The following ZNF682 variants were observed in gnomAD, a reference collection of about 807,000 sequenced individuals.
The protein encoded by ZNF682 is zinc finger protein 682.
ZNF682 carries 29 observed loss-of-function variants against 36.5 expected under a neutral mutation model. The observed-to-expected ratio is 0.80, with a 90% CI of 0.59 to 1.08. The LOEUF (loss-of-function observed/expected upper bound fraction) is 1.08, where lower values mean the gene tolerates loss of function less well. Among genes scored for constraint, ZNF682 ranks in the 50% least tolerant of loss-of-function variants. The probability of loss-of-function intolerance (pLI) is 0.00; values close to 1 mark genes in which losing one functional copy is unlikely to be tolerated. For missense variants in ZNF682, 561 were observed against 579.7 expected (o/e 0.97, Z 0.33); for synonymous variants, 180 against 197.0 (o/e 0.91, Z 0.72).
chr19:20,031,448 T>A (rs532654688), intron 1 of ZNF682, among the ~76,000 whole-genome samples: 1 of 152,240 alleles, frequency 6.6e-6, no homozygotes, highest in African/African-American at 2.4e-5. Context: ...GATGTTGACC[T>A]GTCACGATGC....
chr19:20,027,603 T>C (rs1227371299), intron 1 of ZNF682, among the ~76,000 whole-genome samples: 6 of 151,920 alleles, frequency 3.9e-5, no homozygotes, highest in African/African-American at 1.5e-4. Context: ...CTACTAAAAA[T>C]ACAAAATTAG....
intron 3 of ZNF682, among the ~76,000 whole-genome samples, chr19:20,018,217 C>G (rs915455783): frequency 6.7e-6 from 1 of 148,606 alleles, no homozygotes; most frequent in Non-Finnish European, 1.5e-5. Flanking sequence ...CCTCAGCCTC[C>G]CAAGTAGCTG....
downstream of ZNF682, among the ~76,000 whole-genome samples, chr19:20,002,916 C>T (rs1011621063): frequency 1.3e-5 from 2 of 152,066 alleles, no homozygotes; most frequent in Non-Finnish European, 1.5e-5. Flanking sequence ...CAAGGCCAGG[C>T]GCAATGGCTC....
downstream of ZNF682, among the ~76,000 whole-genome samples, chr19:19,996,902 C>T (rs563715659): frequency 4.6e-5 from 7 of 152,096 alleles, no homozygotes; most frequent in East Asian, 1.2e-3. Context: ...GAAATTAGAG[C>T]CCCTAAATAA....
chr19:20,012,720 A>G (rs2088300719), intron 3 of ZNF682, among the ~76,000 whole-genome samples: 1 of 149,060 alleles, frequency 6.7e-6, no homozygotes, highest in African/African-American at 2.5e-5. Context: ...GTGAACCGAG[A>G]TCGCGCCACT....
At chr19:20,031,252 C>T (rs530153067) in intron 1 of ZNF682, 7 of 152,330 alleles carry the variant, frequency 4.6e-5, no homozygotes, top group African/African-American at 1.2e-4. Context: ...TCACAGCTTA[C>T]AGGTAGGTGT....
At chr19:20,030,349 C>A (rs1158902965) in intron 1 of ZNF682, among the ~76,000 whole-genome samples, 1 of 152,086 alleles carries the variant, frequency 6.6e-6, no homozygotes, top group East Asian at 1.9e-4. Context: ...GTGGGTGGAT[C>A]ACCTAAGGTC....
chr19:20,001,632 G>A (rs1783732922), downstream of ZNF682, among the ~76,000 whole-genome samples: 1 of 152,160 alleles, frequency 6.6e-6, no homozygotes, highest in Non-Finnish European at 1.5e-5. Context: ...AGAATGAAGG[G>A]CCTTAAAAAC....
intron 1 of ZNF682, among the ~76,000 whole-genome samples, chr19:20,025,773 TATG>T (rs1379346329): frequency 2.0e-5 from 3 of 152,014 alleles, no homozygotes; most frequent in African/African-American, 7.2e-5. Context: ...TCATCAGAGC[TATG>T]ATATTATTGG....
At chr19:20,028,162 A>T (rs2122375732) in intron 1 of ZNF682, among the ~76,000 whole-genome samples, 1 of 152,312 alleles carries the variant, frequency 6.6e-6, no homozygotes, top group Admixed American at 6.5e-5. Flanking sequence ...AAACTTTAAT[A>T]TTCGGAGAAA....
intron 1 of ZNF682, among the ~76,000 whole-genome samples, chr19:20,034,708 G>A (rs1162030613): frequency 1.3e-5 from 2 of 151,340 alleles, no homozygotes; most frequent in Non-Finnish European, 2.9e-5. Flanking sequence ...GGGAGGCAGA[G>A]GTTGCGGTGA....
At chr19:20,024,953 A>G (rs1309822240) in intron 1 of ZNF682, among the ~76,000 whole-genome samples, 1 of 152,256 alleles carries the variant, frequency 6.6e-6, no homozygotes, top group Non-Finnish European at 1.5e-5. Flanking sequence ...TAAGTTGTAA[A>G]TATTATTCAT....
chr19:20,034,805 G>T (rs2088513232), intron 1 of ZNF682, among the ~76,000 whole-genome samples: 1 of 150,888 alleles, frequency 6.6e-6, no homozygotes, highest in Non-Finnish European at 1.5e-5. Flanking sequence ...AGAAAGAAAA[G>T]AAAAAATAAG....
chr19:20,033,880 A>T (rs539653142), intron 1 of ZNF682: 1 of 153,350 alleles, frequency 6.5e-6, no homozygotes, highest in Non-Finnish European at 1.5e-5. Context: ...ACTGACAACG[A>T]TGACATGGAA....
At chr19:20,036,731 C>T (rs1249109617) in intron 1 of ZNF682, among the ~76,000 whole-genome samples, 1 of 145,420 alleles carries the variant, frequency 6.9e-6, no homozygotes, top group African/African-American at 2.6e-5. Flanking sequence ...TTTTGGAAGG[C>T]CAAGGCAGGA....
intron 3 of ZNF682, among the ~76,000 whole-genome samples, chr19:20,013,430 G>A (rs1037236167): frequency 2.0e-5 from 3 of 151,920 alleles, no homozygotes; most frequent in African/African-American, 7.3e-5. Context: ...AAAGCAAGGT[G>A]GAATATTAAA....
In ZNF682 at chr19:20,006,617, G is replaced by A; in HGVS notation, c.885C>T (p.Asn295=). ...TATGTTTGGTGAGATGTGAGTGCCG[G>A]TTAAACGCTCTGCCACAGTCTTCAC... The part of the protein sequence containing the change: ...YTCEDCGRAF[N]RHSHLTKHKT... Residue 295 remains asparagine, a synonymous_variant, in exon 4 of 4, where the codon AAC becomes AAT. Coordinates refer to ENST00000397165, the MANE Select transcript of ZNF682 (RefSeq NM_033196.3). 1 of 1,614,038 alleles carries A rather than the reference G, an allele frequency of 6.2e-7. No homozygotes were observed. Among genetic ancestry groups the A allele is most frequent in the Non-Finnish European group, 8.5e-7 (1 of 1,180,006 alleles).
rs1461651097 is a variant in ZNF682, at chr19:20,038,418, TGAA to T, written c.3+922_3+924del. On this transcript the variant is annotated intron_variant, in intron 1 of 3. Transcript: ENST00000397165. ...TGAATTAGAGAGGGGAAGTTGGTGT[TGAA>T]GAATGTCAGGAAAGAACTGAAAATT... 2.0e-5 allele frequency among the ~76,000 whole-genome samples: 3 copies of T among 152,248 alleles called. No individual in the cohort carries two copies. The East Asian group carries it at 5.8e-4, about 29-fold the overall frequency.
chr19:20,007,309 T>C, intron 3 of ZNF682, 34 bp from the exon 4 acceptor site: 2 of 1,537,130 alleles, frequency 1.3e-6, no homozygotes, highest in South Asian at 1.2e-5. Context: ...ATCCCACTTG[T>C]TATTTTCAGA....
Sources: gnomAD v4.1 joint callset for allele counts (sites outside exome capture counted in the v4.1 genomes callset) on GRCh38, gnomAD v4.1.1 for gene constraint, MANE v1.5 for transcripts, NCBI Gene and HGNC (gene_info 2026-07-23, HGNC 2026-07-21) for gene names.